The following HCK variants were observed in gnomAD, a reference collection of about 807,000 sequenced individuals.
HCK encodes the protein tyrosine-protein kinase HCK.
Under a neutral mutation model 70.4 loss-of-function variants are expected in HCK, and 40 were observed. The ratio of observed to expected loss-of-function variants is 0.57; its 90% CI spans 0.44 to 0.74. The LOEUF (loss-of-function observed/expected upper bound fraction) is 0.74, where lower values mean the gene tolerates loss of function less well. HCK is among the 30% of genes least tolerant of loss of function. The pLI is 0.00. For synonymous variants in HCK, 245 were observed against 263.2 expected (o/e 0.93, Z 0.67); for missense variants, 568 against 697.2 (o/e 0.81, Z 2.09).
chr20:32,060,037 A>G (rs1039782609), intron 1 of HCK, among the ~76,000 whole-genome samples: 7 of 152,086 alleles, frequency 4.6e-5, no homozygotes, highest in Non-Finnish European at 1.0e-4. Context: ...ATCTCTCAGT[A>G]CCACGGCAGG....
At chr20:32,094,787 G>A (rs1239411636) in intron 11 of HCK, among the ~76,000 whole-genome samples, 3 of 105,364 alleles carry the variant, frequency 2.8e-5, no homozygotes, top group African/African-American at 8.0e-5. Flanking sequence ...GAGAGAGAAA[G>A]AGAAAGAAAG....
At chr20:32,066,471 C>T (rs886350535) in intron 1 of HCK, among the ~76,000 whole-genome samples, 1 of 151,794 alleles carries the variant, frequency 6.6e-6, no homozygotes, top group African/African-American at 2.4e-5. Flanking sequence ...GCCGCCACAC[C>T]TGGCTAATTT....
chr20:32,074,980 CT>C (rs1226139853), intron 5 of HCK, among the ~76,000 whole-genome samples: 3 of 152,096 alleles, frequency 2.0e-5, no homozygotes, highest in Non-Finnish European at 2.9e-5. Flanking sequence ...GCAAAACGAC[CT>C]GGTTTCTTTG....
In HCK at chr20:32,074,716, A is replaced by G; in HGVS notation, c.423A>G (p.Thr141=). ...TCGCCCGCGTTGACTCTCTGGAGAC[A>G]GAGGAGTAAGTATCCTATTTCCTAC... Residue 141 remains threonine, a synonymous_variant, in exon 5 of 13, where the codon ACA becomes ACG. Coordinates refer to ENST00000375852, the MANE Select transcript of HCK (RefSeq NM_002110.5). The G allele has an allele frequency of 1.9e-6, 3 of 1,610,226 alleles. No individual in the cohort carries two copies. Among genetic ancestry groups the G allele is most frequent in the East Asian group, 2.2e-5 (1 of 44,876 alleles).
intron 10 of HCK, 139 bp from the exon 11 acceptor site, chr20:32,093,724 G>T: frequency 2.7e-6 from 2 of 733,164 alleles, no homozygotes; most frequent in South Asian, 2.0e-5. Context: ...TGAGCCCTGG[G>T]GCCCTCCCGA....
chr20:32,083,977 G>T lies in HCK; in HGVS notation c.616G>T (p.Gly206Trp). 1 of 1,614,112 alleles carries T rather than the reference G, an allele frequency of 6.2e-7. No individual in the cohort carries two copies. The highest frequency in any genetic ancestry group is 1.3e-5 in the African/African-American group (1 of 75,042). The change falls in exon 7 of 13, where the codon GGG becomes TGG. Residue 206 changes from glycine to tryptophan, a missense_variant. Gly to Trp is a radical substitution (Grantham distance 184). Transcript: ENST00000375852. Reference sequence around the variant, plus strand: ...TTACAAGATCCGGACCCTGGACAACGGGGGCTTCTACATATCCCCCCGAAG... The same window carrying T: ...TTACAAGATCCGGACCCTGGACAACTGGGGCTTCTACATATCCCCCCGAAG...
At chr20:32,059,984 C>G (rs17379736) in intron 1 of HCK, among the ~76,000 whole-genome samples, 2,420 of 152,188 alleles carry the variant, frequency 0.016, 68 homozygotes, top group African/African-American at 0.055. Flanking sequence ...GTTACTGAGG[C>G]TTTGAGGATT....
intron 11 of HCK, among the ~76,000 whole-genome samples, chr20:32,094,689 GA>G (rs2045909887): frequency 1.9e-5 from 2 of 103,812 alleles, no homozygotes; most frequent in African/African-American, 8.5e-5. Context: ...CTTGTCAAAA[GA>G]AAAGAAAAGA....
chr20:32,068,763 C>A (rs1163120345), intron 1 of HCK, among the ~76,000 whole-genome samples: 1 of 151,578 alleles, frequency 6.6e-6, no homozygotes, highest in Non-Finnish European at 1.5e-5. Flanking sequence ...CCTCTCTGCC[C>A]CCTGTCTCTA....
chr20:32,092,735 T>C (rs1202901402), intron 10 of HCK, among the ~76,000 whole-genome samples: 2 of 152,050 alleles, frequency 1.3e-5, no homozygotes, highest in African/African-American at 4.8e-5. Flanking sequence ...CTGGCCACAC[T>C]GACCTCTGTG....
At chr20:32,063,511 A>G (rs2045410804) in intron 1 of HCK, among the ~76,000 whole-genome samples, 1 of 152,058 alleles carries the variant, frequency 6.6e-6, no homozygotes, top group South Asian at 2.1e-4. Flanking sequence ...AGCCTCCAAA[A>G]GTGCTGGGAT....
At chr20:32,096,126 G>A (rs1039273238) in intron 11 of HCK, among the ~76,000 whole-genome samples, 1 of 151,684 alleles carries the variant, frequency 6.6e-6, no homozygotes, top group East Asian at 2.0e-4. Flanking sequence ...ATGACCTCAA[G>A]TGATTCACCC....
At chr20:32,090,889 C>T (rs1600739482) in intron 10 of HCK, among the ~76,000 whole-genome samples, 1 of 152,304 alleles carries the variant, frequency 6.6e-6, no homozygotes, top group South Asian at 2.1e-4. Flanking sequence ...CTTAACCTCT[C>T]TGAGTGCCAC....
chr20:32,080,740 G>A (rs1257866480), intron 6 of HCK, among the ~76,000 whole-genome samples: 1 of 151,930 alleles, frequency 6.6e-6, no homozygotes, highest in Non-Finnish European at 1.5e-5. Context: ...TCGAACTTCT[G>A]GACTCAAGCA....
At chr20:32,060,822 G>T (rs1288799968) in intron 1 of HCK, among the ~76,000 whole-genome samples, 3 of 152,048 alleles carry the variant, frequency 2.0e-5, no homozygotes, top group Non-Finnish European at 4.4e-5. Context: ...AGAGAAAATG[G>T]GAAGAAACCA....
intron 6 of HCK, among the ~76,000 whole-genome samples, chr20:32,080,847 G>T (rs1358907448): frequency 6.6e-6 from 1 of 151,980 alleles, no homozygotes; most frequent in Non-Finnish European, 1.5e-5. Flanking sequence ...ACCAAGTAGG[G>T]GAGGCCAACA....
intron 5 of HCK, among the ~76,000 whole-genome samples, chr20:32,078,443 T>C (rs936313331): frequency 3.9e-5 from 6 of 152,124 alleles, no homozygotes; most frequent in Non-Finnish European, 8.8e-5. Flanking sequence ...CAACATAGCA[T>C]GGTGATTCAG....
chr20:32,088,158 G>A (rs1367214689), intron 9 of HCK, among the ~76,000 whole-genome samples: 3 of 152,072 alleles, frequency 2.0e-5, no homozygotes, highest in Non-Finnish European at 2.9e-5. Context: ...CTCTCACCTC[G>A]GTCTCCTAAA....
chr20:32,066,339 T>C (rs1478020143), intron 1 of HCK, among the ~76,000 whole-genome samples: 4 of 92,562 alleles, frequency 4.3e-5, no homozygotes, highest in Non-Finnish European at 7.2e-5. Context: ...TTTGACAGAG[T>C]CTTGCTCTGT....
Sources: allele counts gnomAD v4.1 joint callset (sites outside exome capture counted in the v4.1 genomes callset), GRCh38; gene constraint gnomAD v4.1.1; transcripts MANE v1.5; gene names NCBI Gene and HGNC (gene_info 2026-07-23, HGNC 2026-07-21).